C9: variants seen among roughly 807,000 people sequenced by gnomAD.
C9 encodes the protein complement component C9.
Under a neutral mutation model 65.4 loss-of-function variants are expected in C9, and 63 were observed. The observed-to-expected ratio is 0.96, with a 90% CI of 0.79 to 1.19. The LOEUF (loss-of-function observed/expected upper bound fraction) is 1.19. Among genes scored for constraint, C9 ranks in the 50% most tolerant of loss-of-function variants. C9 has a pLI of 0.00. For synonymous variants in C9, 229 were observed against 227.9 expected, an observed-to-expected ratio of 1.00 and a Z score of -0.04; for missense variants, 744 against 670.1, an observed-to-expected ratio of 1.11 and a Z score of -1.22.
chr5:39,299,276 T>C (rs976326861), intron 9 of C9, among the ~76,000 whole-genome samples: 1 of 152,084 alleles, frequency 6.6e-6, no homozygotes, highest in African/African-American at 2.4e-5. Context: ...CTATTTCTTA[T>C]GTAATTTTGT....
At chr5:39,351,707 A>T (rs934308298) in intron 1 of C9, among the ~76,000 whole-genome samples, 1 of 152,148 alleles carries the variant, frequency 6.6e-6, no homozygotes, top group Non-Finnish European at 1.5e-5. Flanking sequence ...CCTCATCTCC[A>T]TCTGAGACCA....
chr5:39,310,402 G>A (rs1753459812), intron 7 of C9, among the ~76,000 whole-genome samples: 1 of 152,122 alleles, frequency 6.6e-6, no homozygotes, highest in Non-Finnish European at 1.5e-5. Context: ...CAACATGAAT[G>A]ATTACAACTT....
At chr5:39,348,980 T>C (rs1002054865) in intron 1 of C9, among the ~76,000 whole-genome samples, 5 of 123,142 alleles carry the variant, frequency 4.1e-5, no homozygotes, top group African/African-American at 1.6e-4. Flanking sequence ...ATGAGAACAC[T>C]TGGACACAGG....
chr5:39,320,632 G>A (rs188405375), intron 5 of C9, among the ~76,000 whole-genome samples: 1 of 151,888 alleles, frequency 6.6e-6, no homozygotes, highest in East Asian at 1.9e-4. Context: ...ATGACAGCAA[G>A]TTTCCCCAAT....
At chr5:39,304,708 GCCAGCCTT>G (rs1753343049) in intron 9 of C9, among the ~76,000 whole-genome samples, 2 of 152,102 alleles carry the variant, frequency 1.3e-5, no homozygotes, top group Non-Finnish European at 2.9e-5. Flanking sequence ...ATATGAAAAG[GCCAGCCTT>G]CCAGTTTATC....
At chr5:39,344,263 T>C (rs1754146254) in intron 1 of C9, among the ~76,000 whole-genome samples, 1 of 152,076 alleles carries the variant, frequency 6.6e-6, no homozygotes, top group Non-Finnish European at 1.5e-5. Flanking sequence ...GCAAAGAAGC[T>C]AAAACATTGA....
intron 5 of C9, among the ~76,000 whole-genome samples, chr5:39,322,385 G>T (rs1561342977): frequency 6.6e-6 from 1 of 151,870 alleles, no homozygotes; most frequent in South Asian, 2.1e-4. Context: ...CATCAAAAAA[G>T]AATTTCTCAA....
chr5:39,306,884 C>T, intron 8 of C9, 92 bp from the exon 9 acceptor site: 2 of 849,678 alleles, frequency 2.4e-6, no homozygotes, highest in Non-Finnish European at 3.9e-6. Flanking sequence ...TTATTGAGTC[C>T]TTTTAGTAAA....
At chr5:39,313,551 G>A (rs1034055117) in intron 6 of C9, among the ~76,000 whole-genome samples, 2 of 152,118 alleles carry the variant, frequency 1.3e-5, no homozygotes, top group Non-Finnish European at 2.9e-5. Context: ...CACTGAGTCA[G>A]GTAAAATGCA....
intron 9 of C9, among the ~76,000 whole-genome samples, chr5:39,289,952 T>A (rs894212835): frequency 3.3e-5 from 5 of 151,802 alleles, no homozygotes; most frequent in African/African-American, 1.2e-4. Flanking sequence ...TTTAATTAGA[T>A]GTAAAGAAAA....
chr5:39,334,144 C>A (rs1171398561), intron 4 of C9, among the ~76,000 whole-genome samples: 2 of 149,768 alleles, frequency 1.3e-5, no homozygotes, highest in African/African-American at 2.5e-5. Context: ...TCTGCCCGGC[C>A]GCCATCCCAC....
intron 1 of C9, among the ~76,000 whole-genome samples, chr5:39,343,901 C>T (rs979561646): frequency 1.3e-5 from 2 of 152,206 alleles, no homozygotes; most frequent in African/African-American, 4.8e-5. Context: ...GCCACTGATA[C>T]CCAGCAAACA....
At chr5:39,328,953 G>A (rs980742321) in intron 5 of C9, among the ~76,000 whole-genome samples, 6 of 152,138 alleles carry the variant, frequency 3.9e-5, no homozygotes, top group African/African-American at 1.2e-4. Context: ...TGGCAGGATT[G>A]GGGCGAAAAC....
intron 10 of C9, 70 bp from the exon 11 acceptor site, chr5:39,285,303 C>T (rs987669767): frequency 1.8e-5 from 21 of 1,188,770 alleles, no homozygotes; most frequent in African/African-American, 3.0e-5. Context: ...TCCACCCATC[C>T]GCTTTTTCAC....
At chr5:39,363,086 AATT>A (rs926908198) in intron 1 of C9, among the ~76,000 whole-genome samples, 1 of 152,100 alleles carries the variant, frequency 6.6e-6, no homozygotes, top group Non-Finnish European at 1.5e-5. Context: ...GGGTTGTTTG[AATT>A]ATTATTATTA....
chr5:39,330,192 T>G (rs894689186), intron 5 of C9, among the ~76,000 whole-genome samples: 1 of 152,228 alleles, frequency 6.6e-6, no homozygotes, highest in South Asian at 2.1e-4. Flanking sequence ...TGAACATAGA[T>G]TAGTTTTGCT....
At chr5:39,355,564 A>G (rs1434333815) in intron 1 of C9, among the ~76,000 whole-genome samples, 1 of 152,026 alleles carries the variant, frequency 6.6e-6, no homozygotes, top group Admixed American at 6.6e-5. Flanking sequence ...ACTTGAATTC[A>G]TTCTTTGAAT....
At chr5:39,318,288 T>C (rs910803301) in intron 5 of C9, among the ~76,000 whole-genome samples, 1 of 152,184 alleles carries the variant, frequency 6.6e-6, no homozygotes, top group African/African-American at 2.4e-5. Context: ...GATCATGTCA[T>C]CTGGTCATCT....
chr5:39,359,100 G>GTATATATATATATATA (rs1270604293), intron 1 of C9, among the ~76,000 whole-genome samples: 5 of 87,796 alleles, frequency 5.7e-5, no homozygotes, highest in South Asian at 3.7e-4. Flanking sequence ...GTGTGTGTGT[G>GTATATATATATATATA]TGTATATATA....
Sources: gnomAD v4.1 joint callset for allele counts (sites outside exome capture counted in the v4.1 genomes callset) on GRCh38, gnomAD v4.1.1 for gene constraint, MANE v1.5 for transcripts, NCBI Gene and HGNC (gene_info 2026-07-23, HGNC 2026-07-21) for gene names.